The following FRMD4A variants were observed in gnomAD, a reference collection of about 807,000 sequenced individuals.
The protein encoded by FRMD4A is FERM domain containing 4A.
In FRMD4A, 29 loss-of-function variants were observed where a neutral mutation model predicts 129.1. The ratio of observed to expected loss-of-function variants is 0.22; its 90% confidence interval spans 0.17 to 0.31. The LOEUF (loss-of-function observed/expected upper bound fraction) is 0.31, where lower values mean the gene tolerates loss of function less well. FRMD4A is among the 10% of genes least tolerant of loss of function. The pLI is 1.00. For missense variants in FRMD4A, 1,272 were observed against 1,375.8 expected (o/e 0.92, Z 1.19); for synonymous variants, 634 against 571.6 (o/e 1.11, Z -1.56).
chr10:13,661,663 A>G (rs941868536), intron 19 of FRMD4A, among the ~76,000 whole-genome samples: 3 of 152,154 alleles, frequency 2.0e-5, no homozygotes, highest in Non-Finnish European at 2.9e-5. Flanking sequence ...AAAACTAGAA[A>G]GGAAGGGAGA....
intron 2 of FRMD4A, among the ~76,000 whole-genome samples, chr10:14,184,535 T>A (rs1842020782): frequency 6.6e-6 from 1 of 152,024 alleles, no homozygotes; most frequent in Admixed American, 6.6e-5. Context: ...TTAAAAAAGG[T>A]ATTTTTTGTT....
At chr10:14,190,905 C>T (rs988700162) in intron 2 of FRMD4A, among the ~76,000 whole-genome samples, 2 of 152,152 alleles carry the variant, frequency 1.3e-5, no homozygotes, top group African/African-American at 4.8e-5. Context: ...CGTGATGCCT[C>T]CTGGGGCTTT....
At chr10:14,052,804 T>C (rs993010522) in intron 2 of FRMD4A, among the ~76,000 whole-genome samples, 4 of 152,070 alleles carry the variant, frequency 2.6e-5, no homozygotes, top group Non-Finnish European at 4.4e-5. Context: ...CCTCAAGTGA[T>C]CCAACCACCT....
chr10:13,806,734 G>C (rs2093363357), intron 4 of FRMD4A, among the ~76,000 whole-genome samples: 1 of 152,142 alleles, frequency 6.6e-6, no homozygotes, highest in South Asian at 2.1e-4. Flanking sequence ...CCCAGGCATT[G>C]GTATTTTATA....
intron 12 of FRMD4A, chr10:13,707,859 C>T (rs1161588882): frequency 4.1e-6 from 4 of 985,142 alleles, no homozygotes; most frequent in East Asian, 2.3e-4. Context: ...GGGGCCCTGG[C>T]GGTCATTCCT....
chr10:14,330,172 A>G lies in FRMD4A; in HGVS notation c.-70T>C. 1 of 1,487,394 alleles carries G rather than the reference A, an allele frequency of 6.7e-7. No individual in the cohort carries two copies. The highest frequency in any genetic ancestry group is 9.2e-7 in the Non-Finnish European group (1 of 1,091,506). 92.1% of individuals were successfully genotyped at this position (1,487,394 alleles called of 1,614,324 possible). On this transcript the variant is annotated 5_prime_UTR_variant, in exon 2 of 25. An upstream start codon of the reference 5' UTR is lost. Coordinates refer to ENST00000357447, the MANE Select transcript of FRMD4A (RefSeq NM_018027.5). ...CCTGGGCCCCGGGTGGCTACAGAGC[A>G]TCCAAAAGCACCTGCAGAAAAAGCA...
At chr10:13,755,078 A>C (rs2091801487) in intron 8 of FRMD4A, among the ~76,000 whole-genome samples, 2 of 152,254 alleles carry the variant, frequency 1.3e-5, no homozygotes, top group Non-Finnish European at 2.9e-5. Flanking sequence ...AGATTAATCA[A>C]GTCTCCATGT....
chr10:14,302,358 C>T lies in FRMD4A; in HGVS notation c.45+27700G>A, dbSNP rs140190734. ...AAAACAGATACACAGTAAAACATGTCGCCTCCATATAATGTATTTATTCAG... is the reference window on the plus strand; with the variant it reads ...AAAACAGATACACAGTAAAACATGTTGCCTCCATATAATGTATTTATTCAG... On this transcript the variant is annotated intron_variant, in intron 2 of 24. Transcript: ENST00000357447. Among the ~76,000 whole-genome samples, 462 of 152,258 alleles carry T rather than the reference C, an allele frequency of 3.0e-3. 1 individual carries two copies. The highest frequency in any genetic ancestry group is 5.0e-3 in the Admixed American group (76 of 15,298).
intron 2 of FRMD4A, among the ~76,000 whole-genome samples, chr10:13,964,514 G>A (rs1165787969): frequency 1.6e-4 from 24 of 152,138 alleles, no homozygotes; most frequent in South Asian, 1.5e-3. Flanking sequence ...GACAGAGGTC[G>A]ATTTGTCATG....
At position 13,808,984 on chromosome 10, in the gene FRMD4A, C is replaced by T. The variant is rs144281085; in HGVS notation, c.206+1830G>A. ...AGCCTGGCTTCTACGCACGCACACA[C>T]GCACGCACACACGCATGCACGCACA... On this transcript the variant is annotated intron_variant, in intron 4 of 24. Transcript: ENST00000357447. 2.4e-3 allele frequency among the ~76,000 whole-genome samples: 363 copies of T among 152,362 alleles called. 2 individuals are homozygous for T. The highest frequency in any genetic ancestry group is 8.3e-3 in the African/African-American group (346 of 41,570).
intron 2 of FRMD4A, among the ~76,000 whole-genome samples, chr10:13,954,380 C>T (rs60643762): frequency 0.015 from 2,287 of 152,272 alleles, 59 homozygotes; most frequent in African/African-American, 0.049. Flanking sequence ...CAAGAGAGAG[C>T]GTGTGCGGGG....
intron 15 of FRMD4A, chr10:13,684,754 G>A: frequency 5.1e-6 from 5 of 983,620 alleles, no homozygotes; most frequent in Non-Finnish European, 6.0e-6. Flanking sequence ...GAGAAGGGGT[G>A]CTTTCCTCTC....
At chr10:13,664,025 T>C (rs2082832933) in intron 18 of FRMD4A, among the ~76,000 whole-genome samples, 1 of 152,206 alleles carries the variant, frequency 6.6e-6, no homozygotes, top group Admixed American at 6.5e-5. Flanking sequence ...TCTCCAAAGC[T>C]TATTTTTATA....
intron 6 of FRMD4A, among the ~76,000 whole-genome samples, chr10:13,775,530 T>C (rs1057246582): frequency 6.6e-6 from 1 of 152,144 alleles, no homozygotes; most frequent in Non-Finnish European, 1.5e-5. Flanking sequence ...TTACTTCCCA[T>C]ATGCGCTTTC....
chr10:14,023,258 C>G (rs1832842869), intron 2 of FRMD4A, among the ~76,000 whole-genome samples: 1 of 152,148 alleles, frequency 6.6e-6, no homozygotes, highest in Non-Finnish European at 1.5e-5. Flanking sequence ...ACACCCAGCC[C>G]TGGGAAGGGC....
chr10:13,698,889 G>T (rs539605958), intron 14 of FRMD4A, among the ~76,000 whole-genome samples: 1 of 152,262 alleles, frequency 6.6e-6, no homozygotes, highest in Admixed American at 6.5e-5. Context: ...AGCATGCCAG[G>T]CTTCCTGGGA....
At chr10:13,813,715 T>C (rs1484565113) in intron 3 of FRMD4A, among the ~76,000 whole-genome samples, 2 of 152,254 alleles carry the variant, frequency 1.3e-5, no homozygotes, top group South Asian at 2.1e-4. Flanking sequence ...CACTGTAGAC[T>C]ATCAGTTGTT....
intron 12 of FRMD4A, among the ~76,000 whole-genome samples, chr10:13,719,674 C>T (rs1236648517): frequency 6.6e-6 from 1 of 152,162 alleles, no homozygotes; most frequent in Admixed American, 6.5e-5. Flanking sequence ...AAGCCTTACA[C>T]AGCTTCCTAA....
chr10:13,952,979 G>A (rs2095383745), intron 2 of FRMD4A, among the ~76,000 whole-genome samples: 1 of 152,290 alleles, frequency 6.6e-6, no homozygotes, highest in Middle Eastern at 3.4e-3. Flanking sequence ...TTACAGGTGT[G>A]AGCCACCCTG....
Sources: allele counts gnomAD v4.1 joint callset (sites outside exome capture counted in the v4.1 genomes callset), GRCh38; gene constraint gnomAD v4.1.1; transcripts MANE v1.5; gene names NCBI Gene and HGNC (gene_info 2026-07-23, HGNC 2026-07-21).